Variants in ZPBP observed in about 807,000 individuals in gnomAD.
ZPBP encodes zona pellucida-binding protein 1.
A neutral mutation model predicts 44.8 loss-of-function variants in ZPBP; 26 were observed. The ratio of observed to expected loss-of-function variants is 0.58; its 90% confidence interval spans 0.43 to 0.81. The LOEUF (loss-of-function observed/expected upper bound fraction) is 0.81, where lower values mean the gene tolerates loss of function less well. ZPBP is among the 30% of genes least tolerant of loss of function. The probability of loss-of-function intolerance (pLI) is 0.00; values close to 1 mark genes in which losing one functional copy is unlikely to be tolerated. For missense variants in ZPBP, 409 were observed against 434.0 expected, an observed-to-expected ratio of 0.94 and a Z score of 0.51; for synonymous variants, 174 against 153.2, an observed-to-expected ratio of 1.14 and a Z score of -1.00.
At chr7:49,850,845 C>T (rs1790147326) in intron 2 of ZPBP, among the ~76,000 whole-genome samples, 1 of 152,186 alleles carries the variant, frequency 6.6e-6, no homozygotes, top group Non-Finnish European at 1.5e-5. Context: ...TTTGGTCAGG[C>T]ACTGTGCTGG....
At chr7:50,078,857 A>G (rs1334987332) in intron 3 of ZPBP, among the ~76,000 whole-genome samples, 2 of 151,548 alleles carry the variant, frequency 1.3e-5, no homozygotes, top group Admixed American at 6.6e-5. Flanking sequence ...ACTTAACAAA[A>G]CAAACAAAAA....
chr7:50,040,425 G>A (rs1372595291), intron 4 of ZPBP, among the ~76,000 whole-genome samples: 1 of 152,160 alleles, frequency 6.6e-6, no homozygotes, highest in Non-Finnish European at 1.5e-5. Context: ...CGAGATCAAC[G>A]CAGAAGGCAG....
intron 7 of ZPBP, among the ~76,000 whole-genome samples, chr7:49,981,209 T>C (rs1399415530): frequency 8.3e-6 from 1 of 121,124 alleles, no homozygotes; most frequent in Non-Finnish European, 1.7e-5. Context: ...TTATATATAA[T>C]GTAATATATA....
rs557205844 is a variant in ZPBP at position 49,882,855 on chromosome 7, T to TTTTTTG, written n.509+18257_509+18262dup. Among the ~76,000 whole-genome samples the TTTTTTG allele has an allele frequency of 6.6e-5, 10 of 151,842 alleles. No homozygotes were observed. The South Asian group carries it at 1.9e-3, about 28-fold the overall frequency. On this transcript the variant is annotated intron_variant and non_coding_transcript_variant, in intron 2 of 2. Coordinates refer to the ZPBP transcript ENST00000465922. Reference sequence around the variant, plus strand: ...CTTCTATTTTTTGTGTTTTTGGGTTTTTTTTGTTTTTGTTGTTGTTGTTGT... The same window carrying TTTTTTG: ...CTTCTATTTTTTGTGTTTTTGGGTTTTTTTTGTTTTTGTTTTTGTTGTTGTTGTTGT...
At chr7:49,925,454 C>T (rs542820941) in intron 1 of ZPBP, among the ~76,000 whole-genome samples, 1 of 152,272 alleles carries the variant, frequency 6.6e-6, no homozygotes, top group South Asian at 2.1e-4. Context: ...AAGCAGGTGT[C>T]CATGCTATTG....
At chr7:49,892,983 C>T (rs1391701759) in intron 2 of ZPBP, among the ~76,000 whole-genome samples, 2 of 152,094 alleles carry the variant, frequency 1.3e-5, no homozygotes, top group East Asian at 1.9e-4. Flanking sequence ...AAGCCTGTCC[C>T]CAATTTATTT....
At chr7:49,866,169 A>T (rs1790882812) in intron 2 of ZPBP, among the ~76,000 whole-genome samples, 1 of 151,988 alleles carries the variant, frequency 6.6e-6, no homozygotes, top group Admixed American at 6.5e-5. Flanking sequence ...CCTTCTTTGG[A>T]TTGTTTCTCA....
At chr7:49,975,154 T>A (rs1359575269) in intron 7 of ZPBP, among the ~76,000 whole-genome samples, 4 of 152,112 alleles carry the variant, frequency 2.6e-5, no homozygotes, top group Non-Finnish European at 4.4e-5. Context: ...GGTGTCATAC[T>A]CATCTGTCAG....
intron 7 of ZPBP, among the ~76,000 whole-genome samples, chr7:49,959,265 CA>C (rs60383665): frequency 8.5e-5 from 12 of 142,010 alleles, no homozygotes; most frequent in Non-Finnish European, 1.1e-4. Flanking sequence ...TAAAGCAAGC[CA>C]AAAAAAAAAA....
rs1005792731 is a variant in ZPBP at position 50,090,819 on chromosome 7, G to A, written c.128-1110C>T. 3.3e-5 allele frequency among the ~76,000 whole-genome samples: 5 copies of A among 151,740 alleles called. 1 individual carries two copies. Among genetic ancestry groups the A allele is most frequent in the South Asian group, 4.2e-4 (2 of 4,814 alleles). On this transcript the variant is annotated intron_variant, in intron 1 of 7. Coordinates refer to ENST00000046087, the MANE Select transcript of ZPBP (RefSeq NM_007009.3). ...TTCATATAATGACTTATTTTCCTCC[G>A]GGTAGACACCAGTAGTTGGACTGCT...
intron 7 of ZPBP, among the ~76,000 whole-genome samples, chr7:49,941,271 A>C (rs2128753305): frequency 6.6e-6 from 1 of 152,328 alleles, no homozygotes; most frequent in South Asian, 2.1e-4. Context: ...CCATGTGATC[A>C]GTTAATCCTG....
chr7:50,047,729 G>T (rs889051537), intron 4 of ZPBP, among the ~76,000 whole-genome samples: 1 of 151,170 alleles, frequency 6.6e-6, no homozygotes, highest in Non-Finnish European at 1.5e-5. Context: ...AACAAGCAGG[G>T]TGCCTCATGA....
intron 3 of ZPBP, among the ~76,000 whole-genome samples, chr7:50,060,708 T>C (rs1801197624): frequency 6.6e-6 from 1 of 152,120 alleles, no homozygotes; most frequent in African/African-American, 2.4e-5. Context: ...ACTAGACAGA[T>C]TCACAGCCAA....
At chr7:50,083,990 A>G (rs925248617) in intron 2 of ZPBP, among the ~76,000 whole-genome samples, 4 of 152,022 alleles carry the variant, frequency 2.6e-5, no homozygotes, top group Non-Finnish European at 5.9e-5. Flanking sequence ...TTGATCCTGT[A>G]TAACATAGGC....
intron 2 of ZPBP, among the ~76,000 whole-genome samples, chr7:49,858,406 G>A (rs576141353): frequency 5.3e-5 from 8 of 152,014 alleles, no homozygotes; most frequent in Non-Finnish European, 1.2e-4. Context: ...TCCTTTGTAG[G>A]GACATGGATG....
rs144655964 is a variant in ZPBP, at chr7:50,043,027, T to C, written c.488-11717A>G. Among the ~76,000 whole-genome samples the C allele has an allele frequency of 3.0e-3, 458 of 152,280 alleles. 5 individuals are homozygous for C. The highest frequency in any genetic ancestry group is 0.01 in the Middle Eastern group (3 of 294). ...CTGGAAGATTGTGGGTTTACCAGAA[T>C]GAGGGCAAGGAACACCTGGCCCACC... On this transcript the variant is annotated intron_variant, in intron 4 of 7. Transcript: ENST00000046087.
intron 2 of ZPBP, among the ~76,000 whole-genome samples, chr7:49,851,018 G>A (rs1441346018): frequency 6.6e-6 from 1 of 152,174 alleles, no homozygotes; most frequent in Non-Finnish European, 1.5e-5. Context: ...CCGCAATTCT[G>A]CAGGCCAGAA....
At chr7:49,898,292 T>G (rs550523558) in intron 2 of ZPBP, among the ~76,000 whole-genome samples, 8 of 152,080 alleles carry the variant, frequency 5.3e-5, no homozygotes, top group Non-Finnish European at 8.8e-5. Flanking sequence ...ATCTTTTAAA[T>G]CAAGGTAAGA....
chr7:50,039,096 G>A (rs1379975633), intron 4 of ZPBP, among the ~76,000 whole-genome samples: 1 of 152,122 alleles, frequency 6.6e-6, no homozygotes, highest in Non-Finnish European at 1.5e-5. Flanking sequence ...CAACAGCTGT[G>A]ACAGTGACCA....
Sources: gnomAD v4.1 joint callset for allele counts (sites outside exome capture counted in the v4.1 genomes callset) on GRCh38, gnomAD v4.1.1 for gene constraint, MANE v1.5 for transcripts, NCBI Gene and HGNC (gene_info 2026-07-23, HGNC 2026-07-21) for gene names.